The following MALRD1 variants were observed in gnomAD, a reference collection of about 807,000 sequenced individuals.
MALRD1 encodes MAM and LDL receptor class A domain containing 1, also known as MAM and LDL-receptor class A domain-containing protein 1.
Under a neutral mutation model 242.1 loss-of-function variants are expected in MALRD1, and 247 were observed. The ratio of observed to expected loss-of-function variants is 1.02; its 90% confidence interval spans 0.92 to 1.13. The LOEUF (loss-of-function observed/expected upper bound fraction) is 1.13. Among genes scored for constraint, MALRD1 ranks in the 50% most tolerant of loss-of-function variants. The pLI is 0.00. For missense variants in MALRD1, 2,989 were observed against 2,533.1 expected (o/e 1.18, Z -3.86); for synonymous variants, 995 against 866.6 (o/e 1.15, Z -2.60).
intron 38 of MALRD1, among the ~76,000 whole-genome samples, chr10:19,705,804 T>TGAAAA (rs71388859): frequency 1.9e-5 from 2 of 102,874 alleles, no homozygotes; most frequent in South Asian, 3.7e-4. Context: ...CCTGCAATAG[T>TGAAAA]AAAAAAAAAA....
At chr10:19,363,500 G>C (rs749096896) in intron 26 of MALRD1, among the ~76,000 whole-genome samples, 7 of 152,128 alleles carry the variant, frequency 4.6e-5, no homozygotes, top group Non-Finnish European at 1.0e-4. Flanking sequence ...CAATGTGCAA[G>C]GCAGTGGTGA....
At chr10:19,357,825 C>A (rs1211675662) in intron 26 of MALRD1, among the ~76,000 whole-genome samples, 1 of 151,916 alleles carries the variant, frequency 6.6e-6, no homozygotes, top group Non-Finnish European at 1.5e-5. Context: ...GCTAACAATT[C>A]CATCAAGGAT....
At position 19,048,931 on chromosome 10, in the gene MALRD1, A is replaced by G; in HGVS notation, c.-8A>G. 8.1e-7 allele frequency: 1 copy of G among 1,233,604 alleles called. No individual in the cohort carries two copies. Among genetic ancestry groups the G allele is most frequent in the Non-Finnish European group, 1.0e-6 (1 of 987,872 alleles). 76.4% of individuals were successfully genotyped at this position (1,233,604 alleles called of 1,614,324 possible). On this transcript the variant is annotated 5_prime_UTR_variant, in exon 1 of 40. It adds an upstream start codon to the 5' untranslated region. Transcript: ENST00000454679. ...AACTGCTTGATCTCTAATAGACAAT[A>G]CCAAGTAATGCTCTTCTTCCTGGAC...
chr10:19,519,306 T>C (rs1011408280), intron 31 of MALRD1, among the ~76,000 whole-genome samples: 1 of 152,152 alleles, frequency 6.6e-6, no homozygotes, highest in Non-Finnish European at 1.5e-5. Flanking sequence ...CTTTGACTTT[T>C]CTCCTATTAT....
Position 19,324,095 on chromosome 10 carries a change from G to T in MALRD1, c.3566G>T (p.Gly1189Val). The T allele has an allele frequency of 6.5e-7, 1 of 1,550,142 alleles. No homozygotes were observed. The highest frequency in any genetic ancestry group is 8.7e-7 in the Non-Finnish European group (1 of 1,146,696). ...ACACATATGAATGGGGCCACCGTTG[G>T]TTCTCTCCAGGTACTGCTTAGGCAA... ...FWTHMNGATV[G>V]SLQVLIKKDN... is the part of the protein sequence containing the mutation. The change falls in exon 22 of 40, where the codon GGT (glycine) becomes GTT (valine). Residue 1189 changes from glycine to valine, a missense_variant. Transcript: ENST00000454679.
At chr10:19,717,978 C>T (rs918373851) in intron 38 of MALRD1, among the ~76,000 whole-genome samples, 2 of 150,672 alleles carry the variant, frequency 1.3e-5, no homozygotes, top group Middle Eastern at 3.4e-3. Flanking sequence ...TATTGCGCCA[C>T]TGCACTCCAG....
chr10:19,607,957 A>G, intron 35 of MALRD1, 55 bp downstream of exon 35: 1 of 1,526,942 alleles, frequency 6.5e-7, no homozygotes, highest in Non-Finnish European at 8.8e-7. Context: ...CTTAACCTGC[A>G]ACACAATGAA....
At chr10:19,348,141 A>C (rs1844214051) in intron 25 of MALRD1, 123 bp downstream of exon 25, 1 of 1,308,338 alleles carries the variant, frequency 7.6e-7, no homozygotes, top group Non-Finnish European at 1.0e-6. Context: ...AATTTATTCA[A>C]CTTTGGATAT....
intron 32 of MALRD1, among the ~76,000 whole-genome samples, chr10:19,560,237 G>A (rs1835902947): frequency 6.6e-6 from 1 of 152,182 alleles, no homozygotes; most frequent in Non-Finnish European, 1.5e-5. Context: ...GGGAGGCTGA[G>A]GTGGGTGGAT....
At chr10:19,460,465 A>G (rs1475529490) in intron 29 of MALRD1, among the ~76,000 whole-genome samples, 4 of 147,554 alleles carry the variant, frequency 2.7e-5, no homozygotes, top group Non-Finnish European at 6.0e-5. Context: ...TTTTTTTTTT[A>G]CTGTAACATA....
intron 36 of MALRD1, among the ~76,000 whole-genome samples, chr10:19,686,755 A>G (rs1842600885): frequency 6.6e-6 from 1 of 152,086 alleles, no homozygotes; most frequent in South Asian, 2.1e-4. Context: ...ATGCTATACA[A>G]TTTGTGGAGG....
intron 5 of MALRD1, among the ~76,000 whole-genome samples, chr10:19,120,160 A>G (rs1238780237): frequency 2.0e-5 from 3 of 152,120 alleles, no homozygotes; most frequent in African/African-American, 7.2e-5. Context: ...GAAGAGATGG[A>G]GGGACTGAGC....
chr10:19,158,593 G>A (rs566338554), intron 12 of MALRD1, among the ~76,000 whole-genome samples: 2 of 152,166 alleles, frequency 1.3e-5, no homozygotes, highest in Non-Finnish European at 2.9e-5. Context: ...TCTCCCAAGT[G>A]CTTGCTATAT....
intron 9 of MALRD1, 118 bp downstream of exon 9, chr10:19,134,066 G>A (rs1040685754): frequency 2.4e-6 from 1 of 413,780 alleles, no homozygotes; most frequent in African/African-American, 2.1e-5. Flanking sequence ...ATGCGTGCTT[G>A]TATATTTGGG....
intron 32 of MALRD1, among the ~76,000 whole-genome samples, chr10:19,553,836 G>A (rs1011282872): frequency 6.6e-6 from 1 of 152,098 alleles, no homozygotes; most frequent in African/African-American, 2.4e-5. Flanking sequence ...ACATAGGCAC[G>A]TCCCTTATTC....
intron 31 of MALRD1, among the ~76,000 whole-genome samples, chr10:19,521,665 C>A (rs1051072912): frequency 6.6e-6 from 1 of 152,082 alleles, no homozygotes; most frequent in Non-Finnish European, 1.5e-5. Context: ...TATTCTAGTT[C>A]TCTTCCAGGA....
intron 28 of MALRD1, among the ~76,000 whole-genome samples, chr10:19,406,943 A>G (rs1948634659): frequency 6.6e-6 from 1 of 152,118 alleles, no homozygotes; most frequent in Non-Finnish European, 1.5e-5. Flanking sequence ...GATTTTTTTT[A>G]GTTTTTCATA....
At chr10:19,686,001 A>G (rs4748608) in intron 36 of MALRD1, among the ~76,000 whole-genome samples, 87,430 of 151,818 alleles carry the variant, frequency 0.58, 25,293 homozygotes, top group African/African-American at 0.61. Flanking sequence ...TATCTGAGTC[A>G]TGCAGCACCT....
chr10:19,360,353 T>C (rs1322002949), intron 26 of MALRD1, among the ~76,000 whole-genome samples: 2 of 152,128 alleles, frequency 1.3e-5, no homozygotes, highest in African/African-American at 4.8e-5. Flanking sequence ...ACTTATCTTC[T>C]GTTCGTGGAT....
Sources: allele counts gnomAD v4.1 joint callset (sites outside exome capture counted in the v4.1 genomes callset), GRCh38; gene constraint gnomAD v4.1.1; transcripts MANE v1.5; gene names NCBI Gene and HGNC (gene_info 2026-07-23, HGNC 2026-07-21).